Variants in ATCAY observed in about 807,000 individuals in gnomAD.
ATCAY encodes caytaxin.
Under a neutral mutation model 47.7 loss-of-function variants are expected in ATCAY, and 22 were observed. The ratio of observed to expected loss-of-function variants is 0.46; its 90% CI spans 0.33 to 0.66. The LOEUF is 0.66. ATCAY is among the 30% of genes least tolerant of loss of function. ATCAY has a pLI of 0.02. For synonymous variants in ATCAY, 216 were observed against 207.6 expected (o/e 1.04, Z -0.35); for missense variants, 452 against 515.0 (o/e 0.88, Z 1.18).
chr19:3,898,110 C>T (rs2038785157), intron 2 of ATCAY, among the ~76,000 whole-genome samples: 1 of 152,052 alleles, frequency 6.6e-6, no homozygotes, highest in Non-Finnish European at 1.5e-5. Context: ...CCATTTTCAT[C>T]CCTCTCCCCC....
chr19:3,921,786 A>G lies in ATCAY; in HGVS notation c.1106+988A>G, dbSNP rs1289247986. ...GTGGCACACACCTGTAGTCCCAGCT[A>G]CTCAGGAGGCTGAGGCAAGAGAATT... On this transcript the variant is annotated intron_variant, in intron 12 of 12. Transcript: ENST00000450849. 2.0e-5 allele frequency among the ~76,000 whole-genome samples: 3 copies of G among 152,084 alleles called. No homozygotes were observed. The East Asian group carries it at 5.8e-4, about 29-fold the overall frequency.
chr19:3,898,564 T>G (rs1434682600), intron 2 of ATCAY, among the ~76,000 whole-genome samples: 1 of 152,200 alleles, frequency 6.6e-6, no homozygotes, highest in Non-Finnish European at 1.5e-5. Context: ...GTCCTCAAGG[T>G]GCATCCATGC....
At chr19:3,902,568 G>A (rs1198884159) in intron 3 of ATCAY, 23 bp downstream of exon 3, 3 of 1,557,140 alleles carry the variant, frequency 1.9e-6, no homozygotes, top group Admixed American at 1.9e-5. Flanking sequence ...GTCCACAGAA[G>A]GGCGGAAACA....
In ATCAY at chr19:3,912,768, C is replaced by T. The variant is rs533116203; in HGVS notation, c.867-990C>T. 3.9e-5 allele frequency among the ~76,000 whole-genome samples: 6 copies of T among 151,992 alleles called. No homozygotes were observed. In the South Asian group the frequency reaches 1.2e-3, roughly 32 times the overall value. ...AGGCCTGGTGGCGCGCACCTGTGATCCCAGCTACTCAGAGGCTGAGGGAGG... is the reference window on the plus strand; with the variant it reads ...AGGCCTGGTGGCGCGCACCTGTGATTCCAGCTACTCAGAGGCTGAGGGAGG... On this transcript the variant is annotated intron_variant, in intron 8 of 12. Transcript: ENST00000450849.
intron 2 of ATCAY, chr19:3,895,309 G>A (rs1174708846): frequency 4.5e-6 from 2 of 440,262 alleles, no homozygotes; most frequent in Non-Finnish European, 9.2e-6. Flanking sequence ...CCGCTTCCTG[G>A]GTTCAAGCCA....
chr19:3,905,012 C>A (rs7246668), intron 3 of ATCAY, among the ~76,000 whole-genome samples: 14,544 of 151,994 alleles, frequency 0.096, 1,367 homozygotes, highest in African/African-American at 0.24. Flanking sequence ...GGCGCCACCA[C>A]TGTGCCCGGC....
At chr19:3,900,895 CTTTTTTTTTTT>C (rs59395284) in intron 2 of ATCAY, among the ~76,000 whole-genome samples, 5,620 of 92,382 alleles carry the variant, frequency 0.061, 287 homozygotes, top group South Asian at 0.3. Flanking sequence ...TATCCTTCAT[CTTTTTTTTTTT>C]TTTTTTTTTT....
In ATCAY at chr19:3,913,776, G is replaced by T. The variant is rs1475357989; in HGVS notation, c.885G>T (p.Lys295Asn). The change falls in exon 9 of 13, where the codon AAG (lysine) becomes AAT (asparagine). Residue 295 changes from lysine to asparagine, a missense_variant. Lys to Asn is a moderately conservative substitution (Grantham distance 94, BLOSUM62 0). Coordinates refer to ENST00000450849, the MANE Select transcript of ATCAY (RefSeq NM_033064.5). ...RPFISVKFIN[K>N]IQYVHSLEDL... ...CCGCCAGCGTCAAGTTCATCAACAAGATCCAGTACGTGCACAGCTTGGAAG... is the reference window on the plus strand; with the variant it reads ...CCGCCAGCGTCAAGTTCATCAACAATATCCAGTACGTGCACAGCTTGGAAG... The T allele has an allele frequency of 1.2e-6, 2 of 1,613,620 alleles. No homozygotes were observed. The highest frequency in any genetic ancestry group is 2.7e-5 in the African/African-American group (2 of 74,866).
In ATCAY at chr19:3,924,570, T is replaced by TTTCC. The variant is rs752172582; in HGVS notation, c.1107-12_1107-9dup. The TTTCC allele has an allele frequency of 1.7e-5, 28 of 1,613,830 alleles. No individual in the cohort carries two copies. In the African/African-American group the frequency reaches 3.5e-4, roughly 20 times the overall value. ...TAACAGCAATAACTTGGCCTGTGTC[T>TTTCC]TTCCCTCCCTAGCATGTCCTGAGGC... On this transcript the variant is annotated splice_polypyrimidine_tract_variant and intron_variant, in intron 12 of 12. Transcript: ENST00000450849.
At chr19:3,910,066 G>A (rs558714459) in intron 7 of ATCAY, among the ~76,000 whole-genome samples, 2 of 152,238 alleles carry the variant, frequency 1.3e-5, no homozygotes, top group African/African-American at 2.4e-5. Context: ...TTCAGCCTGG[G>A]CAACAGAGCG....
intron 8 of ATCAY, among the ~76,000 whole-genome samples, chr19:3,913,409 AAC>A (rs1266707525): frequency 1.3e-5 from 2 of 152,176 alleles, no homozygotes; most frequent in Admixed American, 1.3e-4. Flanking sequence ...GGGAAAAATT[AAC>A]ACAGAGGAGC....
intron 9 of ATCAY, among the ~76,000 whole-genome samples, chr19:3,914,735 C>T (rs2038952113): frequency 6.6e-6 from 1 of 151,542 alleles, no homozygotes; most frequent in African/African-American, 2.4e-5. Flanking sequence ...GCAGGAGAAT[C>T]GCTTGAACCT....
At chr19:3,923,920 ATGGT>A (rs2039042687) in intron 12 of ATCAY, among the ~76,000 whole-genome samples, 1 of 137,654 alleles carries the variant, frequency 7.3e-6, no homozygotes, top group Non-Finnish European at 1.5e-5. Flanking sequence ...GGGTGGTTGT[ATGGT>A]TGGTTGGATG....
chr19:3,897,903 G>A (rs143595571), intron 2 of ATCAY, among the ~76,000 whole-genome samples: 321 of 152,014 alleles, frequency 2.1e-3, no homozygotes, highest in Non-Finnish European at 3.8e-3. Flanking sequence ...GTGAAACTCC[G>A]TCTCAAAAAT....
intron 1 of ATCAY, among the ~76,000 whole-genome samples, chr19:3,885,128 A>AAC (rs1555765633): frequency 1.3e-5 from 2 of 149,554 alleles, no homozygotes; most frequent in African/African-American, 2.4e-5. Flanking sequence ...AAAAAAAAAA[A>AAC]AAAAAAACAG....
At chr19:3,897,339 A>G (rs948658489) in intron 2 of ATCAY, among the ~76,000 whole-genome samples, 5 of 150,330 alleles carry the variant, frequency 3.3e-5, no homozygotes, top group Admixed American at 2.0e-4. Flanking sequence ...TCGCTCTGTC[A>G]TCCAGGCTGG....
chr19:3,924,271 G>A (rs2039047654), intron 12 of ATCAY, among the ~76,000 whole-genome samples: 1 of 151,758 alleles, frequency 6.6e-6, no homozygotes, highest in African/African-American at 2.4e-5. Flanking sequence ...ATGGATGGAT[G>A]GGTGGATGGA....
intron 2 of ATCAY, among the ~76,000 whole-genome samples, chr19:3,887,917 G>A (rs1258206844): frequency 1.3e-5 from 2 of 151,304 alleles, no homozygotes; most frequent in East Asian, 2.0e-4. Context: ...GACCAGCCTG[G>A]CCGACATAGT....
intron 12 of ATCAY, among the ~76,000 whole-genome samples, chr19:3,922,479 C>T (rs2039029644): frequency 6.6e-6 from 1 of 152,112 alleles, no homozygotes; most frequent in Non-Finnish European, 1.5e-5. Flanking sequence ...AGGTAGCCGC[C>T]CCCATGGTTC....
Sources: allele counts gnomAD v4.1 joint callset (sites outside exome capture counted in the v4.1 genomes callset), GRCh38; gene constraint gnomAD v4.1.1; transcripts MANE v1.5; gene names NCBI Gene and HGNC (gene_info 2026-07-23, HGNC 2026-07-21).